Variants in ZNF717 observed in about 807,000 individuals in gnomAD.
ZNF717 encodes zinc finger protein 717.
In ZNF717, 9 loss-of-function variants were observed where a neutral mutation model predicts 13.8. The observed-to-expected ratio is 0.65, with a 90% CI of 0.39 to 1.14. The LOEUF (loss-of-function observed/expected upper bound fraction) is 1.14. Among genes scored for constraint, ZNF717 ranks in the 50% most tolerant of loss-of-function variants. The probability of loss-of-function intolerance (pLI) is 0.01; values close to 1 mark genes in which losing one functional copy is unlikely to be tolerated. For synonymous variants in ZNF717, 327 were observed against 364.1 expected, an observed-to-expected ratio of 0.90 and a Z score of 1.16; for missense variants, 1,040 against 1,080.7, an observed-to-expected ratio of 0.96 and a Z score of 0.53.
chr3:75,743,181 A>G (rs1336937767), intron 2 of ZNF717, among the ~76,000 whole-genome samples: 1 of 152,258 alleles, frequency 6.6e-6, no homozygotes, highest in African/African-American at 2.4e-5. Flanking sequence ...TAATCCCATC[A>G]GTAAGCCATG....
At position 75,748,456 on chromosome 3, in the gene ZNF717, A is replaced by C. The variant is rs1321082222; in HGVS notation, c.58-6720T>G. Among the ~76,000 whole-genome samples the C allele has an allele frequency of 2.0e-4, 30 of 152,240 alleles. No individual in the cohort carries two copies. The South Asian group carries it at 3.9e-3, about 20-fold the overall frequency. ...AAATCCTCAATACAATACTTGCAAA[A>C]CCTAATCCAGCAGCACATCAAAAAG... On this transcript the variant is annotated intron_variant, in intron 2 of 4. Transcript: ENST00000652011.
chr3:75,765,802 T>C (rs367993547), intron 2 of ZNF717, among the ~76,000 whole-genome samples: 1 of 152,148 alleles, frequency 6.6e-6, no homozygotes, highest in Admixed American at 6.5e-5. Flanking sequence ...GGAAAGAATA[T>C]ATAGAAGATC....
chr3:75,731,688 G>A (rs566262915), downstream of ZNF717, among the ~76,000 whole-genome samples: 1 of 152,356 alleles, frequency 6.6e-6, no homozygotes, highest in African/African-American at 2.4e-5. Context: ...CAAAGCAGGA[G>A]GATCCCTTGA....
chr3:75,752,821 G>A (rs57425214), intron 2 of ZNF717, among the ~76,000 whole-genome samples: 27 of 142,276 alleles, frequency 1.9e-4, no homozygotes, highest in Non-Finnish European at 3.6e-4. Context: ...TGCTCCTGGG[G>A]TCTGAATGTT....
intron 4 of ZNF717, among the ~76,000 whole-genome samples, chr3:75,720,330 T>C (rs1437349789): frequency 1.7e-4 from 26 of 152,316 alleles, no homozygotes; most frequent in African/African-American, 5.8e-4. Flanking sequence ...ATAATGTTCT[T>C]TGCAGCAACA....
downstream of ZNF717, among the ~76,000 whole-genome samples, chr3:75,726,275 T>C (rs1450519980): frequency 9.9e-5 from 15 of 152,260 alleles, no homozygotes; most frequent in African/African-American, 3.6e-4. Flanking sequence ...TTTTAGGAGT[T>C]GTAAATAGAA....
intron 2 of ZNF717, among the ~76,000 whole-genome samples, chr3:75,773,067 C>T (rs1944023987): frequency 6.6e-6 from 1 of 152,152 alleles, no homozygotes; most frequent in Non-Finnish European, 1.5e-5. Context: ...AGGCCTCCTA[C>T]ATCTGATTGG....
intron 2 of ZNF717, among the ~76,000 whole-genome samples, chr3:75,779,559 A>C (rs1395929660): frequency 4.1e-5 from 6 of 145,018 alleles, no homozygotes; most frequent in Non-Finnish European, 9.3e-5. Flanking sequence ...CAGAAACCCA[A>C]AACAACGGGA....
intron 2 of ZNF717, among the ~76,000 whole-genome samples, chr3:75,764,862 G>A (rs1236704884): frequency 2.6e-5 from 4 of 151,956 alleles, no homozygotes; most frequent in Non-Finnish European, 4.4e-5. Context: ...AACTTCTACA[G>A]AGAGACAGAA....
chr3:75,779,737 A>C, intron 2 of ZNF717, among the ~76,000 whole-genome samples: 1 of 150,468 alleles, frequency 6.6e-6, no homozygotes, highest in Admixed American at 6.6e-5. Flanking sequence ...ACCCAAAACC[A>C]TGGGAGTGTC....
chr3:75,727,986 C>T (rs201323562), downstream of ZNF717, among the ~76,000 whole-genome samples: 1 of 152,238 alleles, frequency 6.6e-6, no homozygotes, highest in Admixed American at 6.5e-5. Flanking sequence ...AAAGAACCTA[C>T]ATTGAAATAT....
chr3:75,702,129 A>G (rs1432469920), intron 6 of ZNF717, among the ~76,000 whole-genome samples: 9 of 152,274 alleles, frequency 5.9e-5, no homozygotes, highest in Admixed American at 1.3e-4. Flanking sequence ...ATATGCCTAA[A>G]AGAAATAAAA....
intron 6 of ZNF717, among the ~76,000 whole-genome samples, chr3:75,704,210 T>C (rs1449667525): frequency 2.7e-5 from 4 of 147,722 alleles, no homozygotes; most frequent in African/African-American, 1.0e-4. Flanking sequence ...GATGTCCAAC[T>C]CTGTAATGGA....
At chr3:75,749,774 T>C (rs1272457791) in intron 2 of ZNF717, among the ~76,000 whole-genome samples, 27 of 151,670 alleles carry the variant, frequency 1.8e-4, no homozygotes, top group African/African-American at 6.3e-4. Context: ...TGCTGGAGTC[T>C]GAATGTTGAT....
At chr3:75,748,851 C>G (rs1575816106) in intron 2 of ZNF717, among the ~76,000 whole-genome samples, 1 of 152,146 alleles carries the variant, frequency 6.6e-6, no homozygotes, top group Non-Finnish European at 1.5e-5. Flanking sequence ...GGCTATCAGG[C>G]AGGATAAAGA....
chr3:75,772,340 A>G, intron 2 of ZNF717, among the ~76,000 whole-genome samples: 1 of 152,228 alleles, frequency 6.6e-6, no homozygotes. Flanking sequence ...GCAGCGCTGA[A>G]AGAGGTGTAA....
intron 2 of ZNF717, among the ~76,000 whole-genome samples, chr3:75,754,594 G>C (rs1286391070): frequency 6.6e-6 from 1 of 152,206 alleles, no homozygotes; most frequent in Non-Finnish European, 1.5e-5. Context: ...TGGCTTATTA[G>C]TAGACTAGAC....
In ZNF717 at chr3:75,774,154, T is replaced by A. The variant is rs911144638; in HGVS notation, c.57+9152A>T. 1.3e-4 allele frequency among the ~76,000 whole-genome samples: 18 copies of A among 134,614 alleles called. 1 individual carries two copies. The South Asian group carries it at 3.3e-3, about 25-fold the overall frequency. 88.3% of individuals were successfully genotyped at this position (134,614 alleles called of 152,430 possible). On this transcript the variant is annotated intron_variant, in intron 2 of 4. Transcript: ENST00000652011. ...AAGATTTTCAGGTAATATTAAAAAA[T>A]AATGAAAAATTTGTTTCCCTTGTAA...
chr3:75,746,549 T>A (rs1486421402), intron 2 of ZNF717, among the ~76,000 whole-genome samples: 2 of 152,290 alleles, frequency 1.3e-5, no homozygotes, highest in African/African-American at 4.8e-5. Flanking sequence ...ACCTGTTGTT[T>A]CCTGACTTTT....
Sources: gnomAD v4.1 joint callset for allele counts (sites outside exome capture counted in the v4.1 genomes callset) on GRCh38, gnomAD v4.1.1 for gene constraint, MANE v1.5 for transcripts, NCBI Gene and HGNC (gene_info 2026-07-23, HGNC 2026-07-21) for gene names.